ZNF544: variants seen among roughly 807,000 people sequenced by gnomAD.
The protein encoded by ZNF544 is zinc finger protein 544.
In ZNF544, 10 loss-of-function variants were observed where a neutral mutation model predicts 13.5. That is an observed-to-expected ratio of 0.74 (90% CI 0.46 to 1.25). The LOEUF (loss-of-function observed/expected upper bound fraction) is 1.25. Among genes scored for constraint, ZNF544 ranks in the 50% most tolerant of loss-of-function variants. The probability of loss-of-function intolerance (pLI) is 0.00; values close to 1 mark genes in which losing one functional copy is unlikely to be tolerated. For synonymous variants in ZNF544, 323 were observed against 300.5 expected (o/e 1.07, Z -0.77); for missense variants, 896 against 845.6 (o/e 1.06, Z -0.74).
chr19:58,238,018 T>C (rs1026265977), intron 3 of ZNF544, among the ~76,000 whole-genome samples: 4 of 152,220 alleles, frequency 2.6e-5, no homozygotes, highest in Non-Finnish European at 5.9e-5. Flanking sequence ...CTGCAACCTC[T>C]GCCTCCTGGG....
chr19:58,252,933 C>T (rs1244665870), intron 6 of ZNF544, among the ~76,000 whole-genome samples: 2 of 152,174 alleles, frequency 1.3e-5, no homozygotes, highest in Non-Finnish European at 2.9e-5. Flanking sequence ...AATTCTCCAG[C>T]CTCAACCTCC....
At chr19:58,251,952 C>T (rs2046357699) in intron 6 of ZNF544, among the ~76,000 whole-genome samples, 1 of 152,186 alleles carries the variant, frequency 6.6e-6, no homozygotes, top group African/African-American at 2.4e-5. Flanking sequence ...GCTGTTATCA[C>T]TTTGGAGGCT....
At chr19:58,234,565 C>T (rs260445) in intron 3 of ZNF544, among the ~76,000 whole-genome samples, 26,561 of 152,224 alleles carry the variant, frequency 0.17, 2,836 homozygotes, top group East Asian at 0.36. Flanking sequence ...TCCTCTCTTA[C>T]TGTGTTAGGA....
At chr19:58,232,156 C>A (rs139407296) in intron 3 of ZNF544, among the ~76,000 whole-genome samples, 144 of 152,048 alleles carry the variant, frequency 9.5e-4, no homozygotes, top group African/African-American at 3.3e-3. Flanking sequence ...TTTTAGTAGA[C>A]ACTTTGAAAT....
chr19:58,243,896 A>C, intron 3 of ZNF544, 69 bp from the exon 4 acceptor site: 1 of 1,313,370 alleles, frequency 7.6e-7, no homozygotes, highest in Non-Finnish European at 1.0e-6. Flanking sequence ...CGCGTTCTCT[A>C]GGGTGGGTGT....
intron 6 of ZNF544, among the ~76,000 whole-genome samples, chr19:58,248,041 C>G (rs1364927872): frequency 6.6e-6 from 1 of 151,808 alleles, no homozygotes; most frequent in East Asian, 1.9e-4. Flanking sequence ...AACCTCCCAA[C>G]TAACTGGGAC....
chr19:58,252,948 T>C (rs1352404927), intron 6 of ZNF544, among the ~76,000 whole-genome samples: 1 of 152,130 alleles, frequency 6.6e-6, no homozygotes, highest in Non-Finnish European at 1.5e-5. Flanking sequence ...ACCTCCCGAG[T>C]AGCTGGGATT....
chr19:58,244,108 G>T (rs774847942), intron 4 of ZNF544, 52 bp downstream of exon 4: 4 of 1,536,782 alleles, frequency 2.6e-6, no homozygotes, highest in Non-Finnish European at 1.8e-6. Context: ...GATGTAAAAT[G>T]GGTCCAGGAA....
chr19:58,246,809 T>C lies in ZNF544; in HGVS notation c.244+15T>C. 1.2e-6 allele frequency: 2 copies of C among 1,612,020 alleles called. No individual in the cohort carries two copies. Among genetic ancestry groups the C allele is most frequent in the Non-Finnish European group, 1.7e-6 (2 of 1,178,566 alleles). On this transcript the variant is annotated intron_variant, in intron 6 of 6. Transcript: ENST00000687789. ...GGCCCCCCGAGGTAAGAGCAGACCTTGTGGTGAGCAGCTCAACGTTTAACA... is the reference window on the plus strand; with the variant it reads ...GGCCCCCCGAGGTAAGAGCAGACCTCGTGGTGAGCAGCTCAACGTTTAACA...
At chr19:58,251,958 AG>A (rs1366524941) in intron 6 of ZNF544, among the ~76,000 whole-genome samples, 2 of 152,206 alleles carry the variant, frequency 1.3e-5, no homozygotes, top group African/African-American at 4.8e-5. Context: ...ATCACTTTGG[AG>A]GCTTTGAGGT....
chr19:58,244,722 T>C (rs1399720480), intron 4 of ZNF544, among the ~76,000 whole-genome samples: 3 of 151,870 alleles, frequency 2.0e-5, no homozygotes, highest in Non-Finnish European at 2.9e-5. Context: ...ACTACAGGCA[T>C]GCACCAGCAT....
chr19:58,268,422 A>G (rs2050208616), downstream of ZNF544, among the ~76,000 whole-genome samples: 1 of 152,262 alleles, frequency 6.6e-6, no homozygotes, highest in South Asian at 2.1e-4. Context: ...ATGTTTAGTG[A>G]GAAACAGAAT....
intron 5 of ZNF544, among the ~76,000 whole-genome samples, chr19:58,273,861 C>T (rs2449635): frequency 0.64 from 96,903 of 150,930 alleles, 31,239 homozygotes; most frequent in Middle Eastern, 0.71. Context: ...AGTGGCGTGG[C>T]CTCAGCTCAC....
exon 7 of ZNF544, chr19:58,277,187 G>A (rs1473291822): frequency 4.9e-6 from 6 of 1,231,506 alleles, no homozygotes; most frequent in Non-Finnish European, 6.1e-6. Flanking sequence ...TCTCAGGAAC[G>A]AGGCCCAGCA....
chr19:58,231,223 C>T (rs1444697324), intron 3 of ZNF544, among the ~76,000 whole-genome samples: 1 of 152,104 alleles, frequency 6.6e-6, no homozygotes, highest in Non-Finnish European at 1.5e-5. Context: ...TGGGGTGTAC[C>T]AGACGGGGAG....
intron 5 of ZNF544, 79 bp from the exon 6 acceptor site, chr19:58,246,632 T>G: frequency 6.5e-7 from 1 of 1,550,212 alleles, no homozygotes; most frequent in East Asian, 2.2e-5. Flanking sequence ...GGGACAGCAC[T>G]AGGGGCTGAA....
intron 6 of ZNF544, chr19:58,251,266 G>C (rs1263128031): frequency 1.9e-6 from 1 of 517,768 alleles, no homozygotes; most frequent in East Asian, 5.5e-5. Context: ...ACCAAGGAAA[G>C]TTGGTAGGCT....
intron 6 of ZNF544, 128 bp downstream of exon 6, chr19:58,246,922 A>C: frequency 5.3e-6 from 4 of 758,566 alleles, no homozygotes; most frequent in Non-Finnish European, 8.6e-6. Context: ...TCTTTGCAGC[A>C]GTTCACCCAT....
intron 3 of ZNF544, among the ~76,000 whole-genome samples, chr19:58,241,179 A>AAATATATATATAT (rs2043656946): frequency 2.7e-5 from 2 of 72,776 alleles, no homozygotes; most frequent in South Asian, 3.7e-4. Context: ...ATATATATAT[A>AAATATATATATAT]TTTTTTTTTT....
Sources: gnomAD v4.1 joint callset for allele counts (sites outside exome capture counted in the v4.1 genomes callset) on GRCh38, gnomAD v4.1.1 for gene constraint, MANE v1.5 for transcripts, NCBI Gene and HGNC (gene_info 2026-07-23, HGNC 2026-07-21) for gene names.